Variants in CACNA2D3 observed in about 807,000 individuals in gnomAD.
CACNA2D3 encodes voltage-dependent calcium channel subunit alpha-2/delta-3.
In CACNA2D3, 60 loss-of-function variants were observed where a neutral mutation model predicts 160.6. That is an observed-to-expected ratio of 0.37 (90% CI 0.30 to 0.46). The LOEUF (loss-of-function observed/expected upper bound fraction) is 0.46. Ranked by LOEUF, CACNA2D3 falls within the 20% of genes least tolerant of loss-of-function variation. The pLI is 1.00. For missense variants in CACNA2D3, 1,205 were observed against 1,365.0 expected (o/e 0.88, Z 1.85); for synonymous variants, 558 against 492.9 (o/e 1.13, Z -1.75).
chr3:54,349,251 A>T (rs1033395946), intron 3 of CACNA2D3, among the ~76,000 whole-genome samples: 1 of 152,212 alleles, frequency 6.6e-6, no homozygotes, highest in Non-Finnish European at 1.5e-5. Flanking sequence ...GGCATGAAGC[A>T]GAGCAAGAGG....
chr3:54,653,639 T>C (rs926686478), intron 11 of CACNA2D3, among the ~76,000 whole-genome samples: 3 of 152,298 alleles, frequency 2.0e-5, no homozygotes, highest in South Asian at 2.1e-4. Context: ...ATTAGACATC[T>C]TGTGACTCCA....
At chr3:54,199,006 A>C (rs958167495) in intron 2 of CACNA2D3, among the ~76,000 whole-genome samples, 22 of 151,874 alleles carry the variant, frequency 1.4e-4, no homozygotes, top group African/African-American at 5.3e-4. Flanking sequence ...TTCTTTTCTC[A>C]TCATTTCTTT....
chr3:54,851,609 T>C (rs564563080), intron 17 of CACNA2D3, among the ~76,000 whole-genome samples: 8 of 152,270 alleles, frequency 5.3e-5, no homozygotes. Context: ...AGTACCGAGG[T>C]AATCATGTCA....
chr3:54,303,824 T>TGTTTTTTTTTG (rs1553788123), intron 2 of CACNA2D3, among the ~76,000 whole-genome samples: 19 of 131,576 alleles, frequency 1.4e-4, no homozygotes, highest in African/African-American at 6.1e-4. Flanking sequence ...TTCTGTTTTT[T>TGTTTTTTTTTG]TTTTTTTTTT....
intron 9 of CACNA2D3, among the ~76,000 whole-genome samples, chr3:54,606,192 T>G (rs978839829): frequency 6.6e-6 from 1 of 152,090 alleles, no homozygotes; most frequent in Non-Finnish European, 1.5e-5. Flanking sequence ...TAACAACCAA[T>G]GCATTCCTCC....
rs66526065 is a variant in CACNA2D3, at chr3:54,554,870, C to CT, written c.545-7909dup. ...TTTCTTTTCTTTTCTCTCTCACTCTCTTTTTTTTTTTTTTTTTTTTTGGAG... is the reference window on the plus strand; with the variant it reads ...TTTCTTTTCTTTTCTCTCTCACTCTCTTTTTTTTTTTTTTTTTTTTTTGGAG... On this transcript the variant is annotated intron_variant, in intron 5 of 37. Transcript: ENST00000474759. Among the ~76,000 whole-genome samples the CT allele has an allele frequency of 8.1e-3, 782 of 96,094 alleles. 19 individuals are homozygous for CT. Among genetic ancestry groups the CT allele is most frequent in the East Asian group, 0.023 (77 of 3,330 alleles). The allele number at this position is 96,094 out of a possible 152,430, so 63.0% of individuals were successfully genotyped here. A position where few individuals can be genotyped will look rare whatever the true frequency, so the allele number is the denominator to read the frequency against.
At chr3:54,148,981 A>T (rs1481600140) in intron 2 of CACNA2D3, among the ~76,000 whole-genome samples, 1 of 147,028 alleles carries the variant, frequency 6.8e-6, no homozygotes, top group Non-Finnish European at 1.5e-5. Context: ...CATCAAAAAA[A>T]AAAAAAAAAA....
intron 3 of CACNA2D3, among the ~76,000 whole-genome samples, chr3:54,323,465 T>TTCC (rs1282898685): frequency 1.1e-4 from 11 of 99,388 alleles, no homozygotes; most frequent in Admixed American, 2.0e-4. Context: ...TTCTTTTTCT[T>TTCC]TTCTTTTTTT....
At chr3:54,581,537 C>G (rs1199589246) in intron 8 of CACNA2D3, among the ~76,000 whole-genome samples, 1 of 152,172 alleles carries the variant, frequency 6.6e-6, no homozygotes, top group African/African-American at 2.4e-5. Context: ...AAAGAATGAT[C>G]AGTTAACAGG....
intron 2 of CACNA2D3, among the ~76,000 whole-genome samples, chr3:54,178,049 T>C (rs192423801): frequency 2.6e-5 from 4 of 152,164 alleles, no homozygotes; most frequent in African/African-American, 4.8e-5. Context: ...CCAGTTTCCA[T>C]AGAGATGGAA....
intron 2 of CACNA2D3, among the ~76,000 whole-genome samples, chr3:54,180,799 A>G (rs1220535207): frequency 1.3e-5 from 2 of 152,218 alleles, no homozygotes; most frequent in Admixed American, 6.5e-5. Context: ...AGAGTTGGGC[A>G]TATTGCATGC....
At chr3:54,838,868 C>G (rs1401073871) in intron 16 of CACNA2D3, among the ~76,000 whole-genome samples, 1 of 152,106 alleles carries the variant, frequency 6.6e-6, no homozygotes, top group Non-Finnish European at 1.5e-5. Flanking sequence ...CCTCTAACCT[C>G]AGTTTAAAGA....
At chr3:54,729,738 G>A (rs535735342) in intron 11 of CACNA2D3, among the ~76,000 whole-genome samples, 9 of 152,206 alleles carry the variant, frequency 5.9e-5, no homozygotes, top group African/African-American at 1.7e-4. Flanking sequence ...GGTGGCTCAC[G>A]CCTATAATCC....
chr3:54,159,592 G>A (rs1232051548), intron 2 of CACNA2D3, among the ~76,000 whole-genome samples: 1 of 152,106 alleles, frequency 6.6e-6, no homozygotes, highest in Non-Finnish European at 1.5e-5. Context: ...CTTGTGTTGG[G>A]TGCAAGATAT....
chr3:55,031,880 T>G (rs527702941), intron 35 of CACNA2D3, among the ~76,000 whole-genome samples: 17 of 152,280 alleles, frequency 1.1e-4, no homozygotes, highest in African/African-American at 4.1e-4. Context: ...ATAAAATCAT[T>G]GTATCAGATG....
At chr3:54,260,046 T>C (rs992177134) in intron 2 of CACNA2D3, among the ~76,000 whole-genome samples, 1 of 152,248 alleles carries the variant, frequency 6.6e-6, no homozygotes, top group Non-Finnish European at 1.5e-5. Flanking sequence ...CAGTGTTTGA[T>C]GTTTATAGAC....
chr3:54,826,212 G>A lies in CACNA2D3; in HGVS notation c.1398+9342G>A, dbSNP rs549171833. On this transcript the variant is annotated intron_variant, in intron 14 of 37. Coordinates refer to ENST00000474759, the MANE Select transcript of CACNA2D3 (RefSeq NM_018398.3). ...TCACTGGTCACATCCCCAATTAATG[G>A]ATATATATCCATTACAAACCCAAAT... 2.6e-5 allele frequency among the ~76,000 whole-genome samples: 4 copies of A among 152,022 alleles called. No homozygotes were observed. In the South Asian group the frequency reaches 8.3e-4, roughly 32 times the overall value.
At chr3:54,944,815 GT>G (rs1221864127) in intron 27 of CACNA2D3, among the ~76,000 whole-genome samples, 2,056 of 82,258 alleles carry the variant, frequency 0.025, 42 homozygotes, top group African/African-American at 0.12. Context: ...AGAGCTGGGG[GT>G]GTGTGTGTGT....
At chr3:55,010,774 C>T (rs1164575354) in intron 34 of CACNA2D3, among the ~76,000 whole-genome samples, 2 of 152,202 alleles carry the variant, frequency 1.3e-5, no homozygotes. Context: ...ATTCCCTCAA[C>T]TCCCTCAGGC....
Sources: gnomAD v4.1 joint callset for allele counts (sites outside exome capture counted in the v4.1 genomes callset) on GRCh38, gnomAD v4.1.1 for gene constraint, MANE v1.5 for transcripts, NCBI Gene and HGNC (gene_info 2026-07-23, HGNC 2026-07-21) for gene names.